The following EBF1 variants were observed in gnomAD, a reference collection of about 807,000 sequenced individuals.
EBF1 encodes the protein transcription factor COE1.
Under a neutral mutation model 68.4 loss-of-function variants are expected in EBF1, and 10 were observed. The observed-to-expected ratio is 0.15, with a 90% CI of 0.09 to 0.25. The LOEUF is 0.25. Ranked by LOEUF, EBF1 falls within the 10% of genes least tolerant of loss-of-function variation. The pLI is 1.00. For missense variants in EBF1, 509 were observed against 794.4 expected (o/e 0.64, Z 4.32); for synonymous variants, 298 against 299.8 (o/e 0.99, Z 0.06).
chr5:158,739,495 A>ATT (rs964264914), intron 10 of EBF1, among the ~76,000 whole-genome samples: 3 of 150,264 alleles, frequency 2.0e-5, no homozygotes, highest in African/African-American at 7.3e-5. Context: ...AATGTACACA[A>ATT]TTTTTTTTTT....
chr5:159,020,280 T>A lies in EBF1; in HGVS notation c.554+53116A>T, dbSNP rs190803842. On this transcript the variant is annotated intron_variant, in intron 6 of 15. Transcript: ENST00000313708. ...GTTCCTTGAATTCGGTGCAAAAAAA[T>A]TTTTATTCCAGTGGAAAGGCACATA... Among the ~76,000 whole-genome samples, 89 of 152,196 alleles carry A rather than the reference T, an allele frequency of 5.8e-4. 1 individual carries two copies. The East Asian group carries it at 0.015, about 25-fold the overall frequency.
At chr5:159,013,491 C>A (rs184789799) in intron 6 of EBF1, among the ~76,000 whole-genome samples, 13 of 152,256 alleles carry the variant, frequency 8.5e-5, no homozygotes, top group Admixed American at 1.3e-4. Context: ...CTTGAAGAGG[C>A]AGAGAGGCAA....
chr5:158,955,856 A>T (rs1396022778), intron 6 of EBF1, among the ~76,000 whole-genome samples: 1 of 152,198 alleles, frequency 6.6e-6, no homozygotes, highest in Non-Finnish European at 1.5e-5. Context: ...TTCAGCCAGC[A>T]GCTGAAAGGA....
Position 158,775,038 on chromosome 5 carries a change from C to A in EBF1, c.1036+2375G>T, listed in dbSNP as rs117438819. Among the ~76,000 whole-genome samples the A allele has an allele frequency of 2.8e-4, 42 of 151,548 alleles. No homozygotes were observed. In the East Asian group the frequency reaches 8.1e-3, roughly 29 times the overall value. Reference sequence around the variant, plus strand: ...GTGCCCACAGTTTGAGGCCAGATCACCAGAAGCATTTTTTCATACCTTAAA... The same window carrying A: ...GTGCCCACAGTTTGAGGCCAGATCAACAGAAGCATTTTTTCATACCTTAAA... On this transcript the variant is annotated intron_variant, in intron 10 of 15. Coordinates refer to ENST00000313708, the MANE Select transcript of EBF1 (RefSeq NM_024007.5).
In EBF1 at chr5:158,869,578, AACACACACACAC is replaced by A. The variant is rs3035120; in HGVS notation, c.555-29480_555-29469del. Reference sequence around the variant, plus strand: ...TCCCTAATTGGCCCAGATCCTAATAAACACACACACACACACACACACACACACACACACACA... The same window carrying A: ...TCCCTAATTGGCCCAGATCCTAATAAACACACACACACACACACACACACA... On this transcript the variant is annotated intron_variant, in intron 6 of 15. Transcript: ENST00000313708. Among the ~76,000 whole-genome samples the A allele has an allele frequency of 2.2e-4, 32 of 145,286 alleles. 1 individual carries two copies. The highest frequency in any genetic ancestry group is 9.0e-4 in the South Asian group (4 of 4,448).
chr5:158,899,826 T>C (rs984673460), intron 6 of EBF1, among the ~76,000 whole-genome samples: 14 of 152,172 alleles, frequency 9.2e-5, no homozygotes, highest in African/African-American at 3.4e-4. Context: ...GCCATTTCCA[T>C]GAGAAAGGTG....
At chr5:158,726,587 T>C (rs1763030762) in intron 11 of EBF1, among the ~76,000 whole-genome samples, 1 of 152,214 alleles carries the variant, frequency 6.6e-6, no homozygotes, top group Non-Finnish European at 1.5e-5. Context: ...TTTGTTACTT[T>C]TCCCAAACTG....
intron 6 of EBF1, among the ~76,000 whole-genome samples, chr5:159,060,571 CT>C (rs1003716691): frequency 7.3e-5 from 11 of 151,058 alleles, no homozygotes; most frequent in South Asian, 2.1e-4. Context: ...GTCTTTTATC[CT>C]TTTTTTTTCT....
chr5:158,709,327 ATT>A (rs113894439), intron 14 of EBF1, among the ~76,000 whole-genome samples: 3 of 147,966 alleles, frequency 2.0e-5, no homozygotes, highest in African/African-American at 7.4e-5. Context: ...TATCACATAT[ATT>A]TTTTTTTTTT....
At chr5:158,877,586 C>T (rs183759483) in intron 6 of EBF1, among the ~76,000 whole-genome samples, 57 of 152,244 alleles carry the variant, frequency 3.7e-4, no homozygotes, top group Non-Finnish European at 1.8e-4. Flanking sequence ...AATATTATTG[C>T]TTCATCAAAA....
chr5:159,030,898 C>A (rs6884603), intron 6 of EBF1, among the ~76,000 whole-genome samples: 51,685 of 152,004 alleles, frequency 0.34, 9,768 homozygotes, highest in Non-Finnish European at 0.42. Context: ...AGTAGCCGGG[C>A]ATGGTGGTTC....
At chr5:158,782,479 T>TA (rs1221666645) in intron 9 of EBF1, among the ~76,000 whole-genome samples, 1 of 151,530 alleles carries the variant, frequency 6.6e-6, no homozygotes, top group East Asian at 1.9e-4. Context: ...AGAAACAAAG[T>TA]AAGACCCTGT....
rs781685964 is a variant in EBF1, at chr5:158,873,928, T to C, written c.555-33818A>G. 5.3e-5 allele frequency among the ~76,000 whole-genome samples: 8 copies of C among 152,236 alleles called. No individual in the cohort carries two copies. The South Asian group carries it at 1.5e-3, about 28-fold the overall frequency. ...CAGTGAGAAGCTGCGAGTTGGCTAA[T>C]ATAGGTATGGGAAAGCTCACATCAC... On this transcript the variant is annotated intron_variant, in intron 6 of 15. Coordinates refer to ENST00000313708, the MANE Select transcript of EBF1 (RefSeq NM_024007.5).
chr5:158,732,275 T>C (rs1176876909), intron 10 of EBF1, among the ~76,000 whole-genome samples: 1 of 152,200 alleles, frequency 6.6e-6, no homozygotes, highest in African/African-American at 2.4e-5. Context: ...TGCATTTCCA[T>C]TAACCTAAAT....
chr5:158,992,925 T>C (rs1335034263), intron 6 of EBF1, among the ~76,000 whole-genome samples: 5 of 128,820 alleles, frequency 3.9e-5, no homozygotes, highest in South Asian at 2.8e-4. Context: ...TTCTTTTTTT[T>C]TTTTTTTTTT....
At chr5:158,707,940 G>T (rs958841650) in intron 15 of EBF1, 39 bp downstream of exon 15, 1 of 1,539,566 alleles carries the variant, frequency 6.5e-7, no homozygotes, top group African/African-American at 1.4e-5. Context: ...TGAAGTCAGG[G>T]CATTGAATCT....
intron 6 of EBF1, among the ~76,000 whole-genome samples, chr5:159,046,891 G>T (rs1192022821): frequency 6.6e-6 from 1 of 152,216 alleles, no homozygotes. Context: ...TCACTGAACA[G>T]AGCTGGGAAA....
rs759894493 is a variant in EBF1 at position 159,099,334 on chromosome 5, G to T, written c.134+11C>A. 1 of 1,557,716 alleles carries T rather than the reference G, an allele frequency of 6.4e-7. No homozygotes were observed. The highest frequency in any genetic ancestry group is 8.7e-7 in the Non-Finnish European group (1 of 1,155,422). ...GGCTCACCTCGGCCGCGGTCCCCGC[G>T]CAGTACCCACCTCTGCGCCGCCGTG... On this transcript the variant is annotated intron_variant, in intron 1 of 15. Coordinates refer to ENST00000313708, the MANE Select transcript of EBF1 (RefSeq NM_024007.5).
In EBF1 at chr5:158,984,522, C is replaced by T. The variant is rs80334029; in HGVS notation, c.554+88874G>A. 7.2e-5 allele frequency among the ~76,000 whole-genome samples: 11 copies of T among 151,996 alleles called. No individual in the cohort carries two copies. The East Asian group carries it at 1.9e-3, about 27-fold the overall frequency. On this transcript the variant is annotated intron_variant, in intron 6 of 15. Coordinates refer to ENST00000313708, the MANE Select transcript of EBF1 (RefSeq NM_024007.5). ...AATATGGAATCACATAGTAAGAGTG[C>T]CGTTTTCAATTTTCTCTTAATTGTT...
Sources: allele counts gnomAD v4.1 joint callset (sites outside exome capture counted in the v4.1 genomes callset), GRCh38; gene constraint gnomAD v4.1.1; transcripts MANE v1.5; gene names NCBI Gene and HGNC (gene_info 2026-07-23, HGNC 2026-07-21).